The following MAGI2 variants were observed in gnomAD, a reference collection of about 807,000 sequenced individuals.
MAGI2 encodes membrane associated guanylate kinase, WW and PDZ domain containing 2, also known as membrane-associated guanylate kinase, WW and PDZ domain-containing protein 2.
In MAGI2, 35 loss-of-function variants were observed where a neutral mutation model predicts 133.3. That is an observed-to-expected ratio of 0.26 (90% CI 0.20 to 0.35). MAGI2 has a LOEUF of 0.35. Ranked by LOEUF, MAGI2 falls within the 10% of genes least tolerant of loss-of-function variation. The probability of loss-of-function intolerance (pLI) is 1.00; values close to 1 mark genes in which losing one functional copy is unlikely to be tolerated. For synonymous variants in MAGI2, 729 were observed against 710.6 expected (o/e 1.03, Z -0.41); for missense variants, 1,636 against 1,863.4 (o/e 0.88, Z 2.25).
At chr7:78,234,563 TA>T (rs1373640329) in intron 10 of MAGI2, among the ~76,000 whole-genome samples, 2 of 48,420 alleles carry the variant, frequency 4.1e-5, no homozygotes, top group Admixed American at 6.2e-4. Flanking sequence ...ATATAATGAA[TA>T]TTTTTCATAT....
chr7:78,722,607 T>C (rs1305050293), intron 2 of MAGI2, among the ~76,000 whole-genome samples: 1 of 152,090 alleles, frequency 6.6e-6, no homozygotes, highest in Admixed American at 6.5e-5. Context: ...TGGCTTCATT[T>C]TCAGGCACAA....
chr7:78,487,824 G>A (rs1166504366), intron 6 of MAGI2, among the ~76,000 whole-genome samples: 1 of 152,052 alleles, frequency 6.6e-6, no homozygotes, highest in East Asian at 1.9e-4. Flanking sequence ...GAAAATTACT[G>A]TACTAACTTT....
chr7:78,463,506 A>C (rs1790289387), intron 6 of MAGI2, among the ~76,000 whole-genome samples: 1 of 152,242 alleles, frequency 6.6e-6, no homozygotes, highest in Non-Finnish European at 1.5e-5. Context: ...CATTAAGCAC[A>C]GCAGCCTTTG....
chr7:78,600,776 A>G (rs1467680645), intron 3 of MAGI2, among the ~76,000 whole-genome samples: 1 of 152,064 alleles, frequency 6.6e-6, no homozygotes, highest in East Asian at 1.9e-4. Flanking sequence ...AGAGCTAAAT[A>G]TTCATTAGAT....
chr7:78,054,797 C>T (rs916638606), intron 21 of MAGI2, among the ~76,000 whole-genome samples: 2 of 151,998 alleles, frequency 1.3e-5, no homozygotes, highest in African/African-American at 2.4e-5. Context: ...GGATTACAGG[C>T]ATGCACCACC....
intron 1 of MAGI2, among the ~76,000 whole-genome samples, chr7:79,034,282 T>C (rs1193997662): frequency 6.6e-6 from 1 of 152,138 alleles, no homozygotes; most frequent in Admixed American, 6.6e-5. Context: ...AAAATATTGT[T>C]ATGTTTGACA....
At chr7:79,168,013 G>C (rs543659844) in intron 1 of MAGI2, among the ~76,000 whole-genome samples, 4 of 152,274 alleles carry the variant, frequency 2.6e-5, no homozygotes, top group Middle Eastern at 3.4e-3. Context: ...TCCTGCTGCA[G>C]ATAACTAGGG....
At chr7:78,845,506 AATGT>A (rs1199023581) in intron 2 of MAGI2, among the ~76,000 whole-genome samples, 1 of 151,946 alleles carries the variant, frequency 6.6e-6, no homozygotes, top group Non-Finnish European at 1.5e-5. Flanking sequence ...AAATCATTGT[AATGT>A]ATTGTTGAAA....
intron 3 of MAGI2, among the ~76,000 whole-genome samples, chr7:78,581,414 T>C (rs1802823708): frequency 1.3e-5 from 2 of 152,216 alleles, no homozygotes; most frequent in African/African-American, 4.8e-5. Context: ...TTTCCAGTAG[T>C]TTAATACCAC....
Position 79,217,992 on chromosome 7 carries a change from G to T in MAGI2, c.302-210786C>A, listed in dbSNP as rs372864084. On this transcript the variant is annotated intron_variant, in intron 1 of 21. Transcript: ENST00000354212. ...TGCACGAATATTAGGCTTTTGATTT[G>T]AAAAAAAAGTATTGTTTTGGTCTCA... 5.1e-4 allele frequency among the ~76,000 whole-genome samples: 78 copies of T among 151,500 alleles called. 1 individual carries two copies. In the East Asian group the frequency reaches 9.3e-3, roughly 18 times the overall value.
chr7:79,291,540 T>C (rs1395354909), intron 1 of MAGI2, among the ~76,000 whole-genome samples: 1 of 152,152 alleles, frequency 6.6e-6, no homozygotes, highest in East Asian at 1.9e-4. Context: ...CAGCAGTGTA[T>C]CAGGGCTCCA....
intron 15 of MAGI2, among the ~76,000 whole-genome samples, chr7:78,166,177 A>G (rs1343325392): frequency 1.3e-5 from 2 of 152,230 alleles, no homozygotes; most frequent in African/African-American, 4.8e-5. Flanking sequence ...CATTTGGTAC[A>G]CACTTCAACA....
intron 2 of MAGI2, among the ~76,000 whole-genome samples, chr7:78,784,201 A>AG (rs1321574768): frequency 8.9e-6 from 1 of 112,840 alleles, no homozygotes; most frequent in African/African-American, 3.2e-5. Context: ...CAAATGTTTT[A>AG]GGTTTTTTTT....
At chr7:78,290,884 C>A (rs1180068915) in intron 9 of MAGI2, among the ~76,000 whole-genome samples, 2 of 152,130 alleles carry the variant, frequency 1.3e-5, no homozygotes, top group Non-Finnish European at 2.9e-5. Flanking sequence ...TTCTTTGAAA[C>A]CAATGAGAAC....
At chr7:78,224,216 A>G (rs1789121405) in intron 10 of MAGI2, among the ~76,000 whole-genome samples, 1 of 152,218 alleles carries the variant, frequency 6.6e-6, no homozygotes, top group South Asian at 2.1e-4. Context: ...ATTTATGCAG[A>G]AACCAAACAT....
At chr7:79,445,984 C>T (rs568104172) in intron 1 of MAGI2, among the ~76,000 whole-genome samples, 83 of 152,226 alleles carry the variant, frequency 5.5e-4, no homozygotes, top group African/African-American at 1.9e-3. Flanking sequence ...TACTATGCAG[C>T]CACAAAAAAG....
chr7:78,534,716 C>T (rs1340418129), intron 3 of MAGI2, among the ~76,000 whole-genome samples: 1 of 152,128 alleles, frequency 6.6e-6, no homozygotes, highest in Non-Finnish European at 1.5e-5. Flanking sequence ...TGATATTGAC[C>T]TTTGTTTCTA....
At chr7:79,234,769 C>T (rs1206028184) in intron 1 of MAGI2, among the ~76,000 whole-genome samples, 9 of 150,534 alleles carry the variant, frequency 6.0e-5, no homozygotes, top group Admixed American at 2.0e-4. Context: ...GTAATTTGAT[C>T]GTCTGAAGCC....
intron 1 of MAGI2, among the ~76,000 whole-genome samples, chr7:79,211,286 A>T (rs985662596): frequency 5.9e-5 from 9 of 151,262 alleles, no homozygotes; most frequent in Admixed American, 5.9e-4. Context: ...CTTTTTATTT[A>T]TTTTTTTTAA....
Sources: allele counts gnomAD v4.1 joint callset (sites outside exome capture counted in the v4.1 genomes callset), GRCh38; gene constraint gnomAD v4.1.1; transcripts MANE v1.5; gene names NCBI Gene and HGNC (gene_info 2026-07-23, HGNC 2026-07-21).